Variants in NPHP4 observed in about 807,000 individuals in gnomAD.
NPHP4 encodes nephrocystin-4.
NPHP4 carries 151 observed loss-of-function variants against 155.8 expected under a neutral mutation model. That is an observed-to-expected ratio of 0.97 (90% CI 0.85 to 1.11). The LOEUF is 1.11. Among genes scored for constraint, NPHP4 ranks in the 50% least tolerant of loss-of-function variants. The probability of loss-of-function intolerance (pLI) is 0.00; values close to 1 mark genes in which losing one functional copy is unlikely to be tolerated. For missense variants in NPHP4, 1,956 were observed against 1,925.7 expected (o/e 1.02, Z -0.29); for synonymous variants, 845 against 816.8 (o/e 1.03, Z -0.59).
At position 5,986,334 on chromosome 1, in the gene NPHP4, C is replaced by T. The variant is rs1655488001; in HGVS notation, c.-38-7G>A. On this transcript the variant is annotated splice_region_variant and splice_polypyrimidine_tract_variant and intron_variant, in intron 1 of 29. Transcript: ENST00000378156. Reference sequence around the variant, plus strand: ...CGTGGGCTTCCCGGATGATCTGTGCCAGTCGTATTCAAATAAAGAGAAGAG... The same window carrying T: ...CGTGGGCTTCCCGGATGATCTGTGCTAGTCGTATTCAAATAAAGAGAAGAG... 1 of 1,604,236 alleles carries T rather than the reference C, an allele frequency of 6.2e-7. No individual in the cohort carries two copies. Among genetic ancestry groups the T allele is most frequent in the Non-Finnish European group, 8.5e-7 (1 of 1,173,780 alleles).
intron 19 of NPHP4, among the ~76,000 whole-genome samples, chr1:5,878,258 C>T (rs934175976): frequency 5.3e-5 from 8 of 152,228 alleles, no homozygotes; most frequent in African/African-American, 7.2e-5. Flanking sequence ...ACGTGACCCC[C>T]GCCTCCTTCT....
chr1:5,898,388 TCCAAACAC>T (rs1386226471), intron 16 of NPHP4, among the ~76,000 whole-genome samples: 1 of 152,118 alleles, frequency 6.6e-6, no homozygotes, highest in East Asian at 1.9e-4. Context: ...CACTCACAGC[TCCAAACAC>T]CCAAACACGG....
intron 5 of NPHP4, among the ~76,000 whole-genome samples, chr1:5,964,917 T>TAATACA (rs1553194702): frequency 2.4e-5 from 2 of 82,622 alleles, no homozygotes; most frequent in Non-Finnish European, 4.2e-5. Context: ...TACATATATA[T>TAATACA]TATATATATA....
At chr1:5,864,722 C>T (rs1641025619) in intron 27 of NPHP4, 3 of 546,952 alleles carry the variant, frequency 5.5e-6, no homozygotes, top group Non-Finnish European at 9.7e-6. Flanking sequence ...TCTCACACGG[C>T]GACTATTCCC....
intron 23 of NPHP4, chr1:5,868,246 C>T (rs1286792087): frequency 5.2e-6 from 2 of 383,944 alleles, no homozygotes; most frequent in Non-Finnish European, 1.0e-5. Flanking sequence ...TCCCGACACC[C>T]TGTGTGCATG....
At chr1:5,953,814 G>A (rs796123245) in intron 6 of NPHP4, among the ~76,000 whole-genome samples, 6 of 152,152 alleles carry the variant, frequency 3.9e-5, no homozygotes, top group African/African-American at 4.8e-5. Flanking sequence ...TGAGCCAACC[G>A]TTTCCCAACC....
chr1:5,986,583 C>G (rs1031560650), intron 1 of NPHP4, among the ~76,000 whole-genome samples: 1 of 152,190 alleles, frequency 6.6e-6, no homozygotes, highest in Non-Finnish European at 1.5e-5. Context: ...TTTATGAAAG[C>G]TGTACAATAA....
At chr1:5,935,837 T>C (rs1557774683) in intron 9 of NPHP4, among the ~76,000 whole-genome samples, 2 of 152,164 alleles carry the variant, frequency 1.3e-5, no homozygotes, top group South Asian at 2.1e-4. Context: ...ATCACACCAC[T>C]GCACTCCAGC....
At chr1:5,985,333 G>T (rs1655312567) in intron 2 of NPHP4, among the ~76,000 whole-genome samples, 1 of 152,248 alleles carries the variant, frequency 6.6e-6, no homozygotes, top group Admixed American at 6.5e-5. Context: ...AATCGTGTGG[G>T]TGTCCCGTGG....
At position 5,904,720 on chromosome 1, in the gene NPHP4, C is replaced by A. The variant is rs764630789; in HGVS notation, c.2040G>T (p.Thr680=). Residue 680 remains threonine, a synonymous_variant, in exon 16 of 30, where the codon ACG becomes ACT. Transcript: ENST00000378156. ...FQFYRFPPAT[T]PRLQLVQLDE... ...CCAGCTGGACCAGCTGCAGTCGTGG[C>A]GTCGTTGCGGGTGGGAAGCGGTAGA... 3 of 1,613,974 alleles carry A rather than the reference C, an allele frequency of 1.9e-6. No individual in the cohort carries two copies. In the South Asian group the frequency reaches 3.3e-5, roughly 18 times the overall value.
intron 16 of NPHP4, among the ~76,000 whole-genome samples, chr1:5,903,823 T>C (rs1247972257): frequency 6.6e-6 from 1 of 152,124 alleles, no homozygotes; most frequent in Non-Finnish European, 1.5e-5. Flanking sequence ...GAACGTCACC[T>C]CTGCACAAAT....
chr1:5,867,804 G>C lies in NPHP4; in HGVS notation c.3408C>G (p.Phe1136Leu). 6.2e-7 allele frequency: 1 copy of C among 1,613,170 alleles called. No homozygotes were observed. The highest frequency in any genetic ancestry group is 8.5e-7 in the Non-Finnish European group (1 of 1,179,872). The change falls in exon 24 of 30, where the codon TTC (phenylalanine) becomes TTG (leucine). Residue 1136 changes from phenylalanine (F) to leucine (L), a missense_variant. By Grantham distance (22) the Phe-to-Leu change is conservative (BLOSUM62 0). Transcript: ENST00000378156. This position sits in a 1 kb window ranked among gnomAD's most constrained non-coding sequence, Gnocchi z 4.1. The part of the protein sequence containing the change: ...QPHVVDQVFR[F>L]YHPELSFLKK... ...TCAGGAAGGAGAGCTCCGGGTGATA[G>C]AAGCGGAAGACCTGGTCCACCACGT...
intron 9 of NPHP4, among the ~76,000 whole-genome samples, chr1:5,945,686 G>A (rs1457418973): frequency 2.6e-5 from 4 of 152,190 alleles, no homozygotes; most frequent in Non-Finnish European, 4.4e-5. Flanking sequence ...CGGCCCAGTC[G>A]CGATGGCAGG....
rs376889677 is a variant in NPHP4, at chr1:5,874,951, C to G, written c.2967G>C (p.Glu989Asp). Residue 989 changes from glutamate to aspartate, a missense_variant, in exon 21 of 30, where the codon GAG becomes GAC. Transcript: ENST00000378156. ...GGTTCTTAAGCACAAACTCAAAGAA[C>G]TCGGCGACCCCCAGCGTGGCGTGGA... ...HTLHATLGVA[E>D]FFEFVLKNPH... The G allele has an allele frequency of 1.2e-6, 2 of 1,613,364 alleles. No individual in the cohort carries two copies. Among genetic ancestry groups the G allele is most frequent in the African/African-American group, 1.3e-5 (1 of 74,892 alleles).
At chr1:5,920,352 C>T (rs1208161424) in intron 11 of NPHP4, among the ~76,000 whole-genome samples, 6 of 152,180 alleles carry the variant, frequency 3.9e-5, no homozygotes, top group East Asian at 1.9e-4. Context: ...TGAGCCACTG[C>T]GCCCAGCCGG....
chr1:5,925,073 T>A (rs560244666), intron 11 of NPHP4, among the ~76,000 whole-genome samples: 66 of 152,336 alleles, frequency 4.3e-4, no homozygotes, highest in South Asian at 2.3e-3. Flanking sequence ...ATGGGCAAAC[T>A]ATGTTTATTA....
Position 5,865,240 on chromosome 1 carries a change from C to A in NPHP4, c.3678G>T (p.Trp1226Cys), listed in dbSNP as rs1449454752. ...GCTGCAGGGAGTGGAGGTAGACCTG[C>A]CACGTCTGTGTGGGTGTCGCCAGCC... ...DRWLATPTQT[W>C]QVYLHSLQRV... is the part of the protein sequence containing the mutation. Residue 1226 changes from tryptophan (W) to cysteine (C), a missense_variant, in exon 27 of 30, where the codon TGG (tryptophan) becomes TGT (cysteine). Coordinates refer to ENST00000378156, the MANE Select transcript of NPHP4 (RefSeq NM_015102.5). 2 of 1,588,550 alleles carry A rather than the reference C, an allele frequency of 1.3e-6. No individual in the cohort carries two copies.
chr1:5,863,532 A>C, intron 29 of NPHP4, 127 bp from the exon 30 acceptor site: 2 of 1,141,390 alleles, frequency 1.8e-6, no homozygotes, highest in Non-Finnish European at 2.6e-6. Context: ...CTGCGGGTGC[A>C]TCCAAGGCCT....
chr1:5,863,494 C>T, intron 29 of NPHP4, 89 bp from the exon 30 acceptor site: 7 of 1,504,688 alleles, frequency 4.7e-6, no homozygotes, highest in East Asian at 2.3e-5. Flanking sequence ...TGTTTATTTC[C>T]AAGGGGAGCT....
Sources: allele counts gnomAD v4.1 joint callset (sites outside exome capture counted in the v4.1 genomes callset), GRCh38; gene constraint gnomAD v4.1.1; non-coding constraint Gnocchi (gnomAD v3.1); transcripts MANE v1.5; gene names NCBI Gene and HGNC (gene_info 2026-07-23, HGNC 2026-07-21).